The following UBAP2L variants were observed in gnomAD, a reference collection of about 807,000 sequenced individuals.
The protein encoded by UBAP2L is ubiquitin-associated protein 2-like.
Under a neutral mutation model 130.6 loss-of-function variants are expected in UBAP2L, and 12 were observed. The observed-to-expected ratio is 0.09, with a 90% CI of 0.06 to 0.15. The LOEUF is 0.15. UBAP2L is among the 10% of genes least tolerant of loss of function. The pLI, the probability that UBAP2L is intolerant of heterozygous loss-of-function variation, is 1.00. For missense variants in UBAP2L, 965 were observed against 1,332.5 expected, an observed-to-expected ratio of 0.72 and a Z score of 4.29; for synonymous variants, 503 against 524.7, an observed-to-expected ratio of 0.96 and a Z score of 0.57.
intron 26 of UBAP2L, 116 bp downstream of exon 26, chr1:154,269,070 A>ATGACTGGCGCTGGGGAGG: frequency 8.0e-7 from 1 of 1,243,388 alleles, no homozygotes; most frequent in Non-Finnish European, 1.1e-6. Context: ...ATCCCTCCCC[A>ATGACTGGCGCTGGGGAGG]GCGCCAGTCA....
chr1:154,252,744 A>G (rs1678187160), intron 14 of UBAP2L, among the ~76,000 whole-genome samples: 1 of 152,038 alleles, frequency 6.6e-6, no homozygotes, highest in African/African-American at 2.4e-5. Context: ...TTTTTAGTAG[A>G]CATGGGGTTT....
At chr1:154,259,638 C>T in intron 21 of UBAP2L, 2 of 410,178 alleles carry the variant, frequency 4.9e-6, no homozygotes, top group South Asian at 2.6e-5. Flanking sequence ...TCTGTTTTCT[C>T]AGTAGAATAA....
chr1:154,237,638 G>T (rs1672108336), intron 8 of UBAP2L, among the ~76,000 whole-genome samples: 1 of 152,150 alleles, frequency 6.6e-6, no homozygotes, highest in Non-Finnish European at 1.5e-5. Context: ...TTCTGTTACT[G>T]AGATAAGAAT....
chr1:154,233,018 C>CT (rs1339953340), intron 4 of UBAP2L, among the ~76,000 whole-genome samples: 1,578 of 148,470 alleles, frequency 0.011, 28 homozygotes, highest in African/African-American at 0.035. Flanking sequence ...ACCTTTTTTT[C>CT]TTTTTTTTTT....
At chr1:154,220,317 G>A (rs747881686), upstream of UBAP2L, 10 of 1,613,558 alleles carry the variant, frequency 6.2e-6, no homozygotes, top group Admixed American at 1.7e-5. Context: ...GCGACAGCAG[G>A]AATGGGGTGG....
At chr1:154,253,657 C>T (rs1157406879) in intron 14 of UBAP2L, among the ~76,000 whole-genome samples, 1 of 152,180 alleles carries the variant, frequency 6.6e-6, no homozygotes, top group Non-Finnish European at 1.5e-5. Flanking sequence ...CAGGCGTGAG[C>T]CACTGCGCCC....
In UBAP2L at chr1:154,270,759, GTTTTTTTTTTGT is replaced by G. The variant is rs2149130422; in HGVS notation, c.*475_*486del. On this transcript the variant is annotated 3_prime_UTR_variant, in exon 27 of 27. Coordinates refer to ENST00000428931, the MANE Select transcript of UBAP2L (RefSeq NM_014847.4). ...ATTGTCAGATGAATTAGTTGAAGTGGTTTTTTTTTTGTTTTTTTTTTTTTTTTGTACTGTGTC... is the reference window on the plus strand; with the variant it reads ...ATTGTCAGATGAATTAGTTGAAGTGGTTTTTTTTTTTTTTTGTACTGTGTC... 1 of 1,138,608 alleles carries G rather than the reference GTTTTTTTTTTGT, an allele frequency of 8.8e-7. No homozygotes were observed. The highest frequency in any genetic ancestry group is 1.1e-6 in the Non-Finnish European group (1 of 892,290). The allele number at this position is 1,138,608 out of a possible 1,614,324, so 70.5% of individuals were successfully genotyped here. A position where few individuals can be genotyped will look rare whatever the true frequency, so the allele number is the denominator to read the frequency against.
Position 154,257,151 on chromosome 1 carries a change from T to G in UBAP2L, c.2246T>G (p.Val749Gly). ...AGCACAGTCTCTGCACCTCCCCCAG[T>G]GGTCAGTGTCTCCTCCAGTCTCAAT... Reference protein sequence around the residue: ...TSSTVSAPPPVVSVSSSLNSG... With the variant: ...TSSTVSAPPPGVSVSSSLNSG... Residue 749 changes from valine (V) to glycine (G), a missense_variant, in exon 19 of 27, where the codon GTG becomes GGG. Coordinates refer to ENST00000428931, the MANE Select transcript of UBAP2L (RefSeq NM_014847.4). The G allele has an allele frequency of 1.2e-6, 2 of 1,614,132 alleles. No individual in the cohort carries two copies. Among genetic ancestry groups the G allele is most frequent in the Non-Finnish European group, 1.7e-6 (2 of 1,180,030 alleles).
chr1:154,250,999 C>T (rs756450813), intron 12 of UBAP2L, 42 bp from the exon 13 acceptor site: 3 of 1,566,786 alleles, frequency 1.9e-6, no homozygotes, highest in Non-Finnish European at 2.6e-6. Context: ...CCTTGAGATT[C>T]ATTAGCATCT....
chr1:154,249,508 G>C (rs187705330), intron 12 of UBAP2L, 71 bp downstream of exon 12: 2 of 1,589,626 alleles, frequency 1.3e-6, no homozygotes, highest in African/African-American at 1.3e-5. Flanking sequence ...AGCAGGGGGA[G>C]GGGGTGGAGA....
At chr1:154,235,442 T>C in intron 6 of UBAP2L, 151 bp downstream of exon 6, 1 of 564,394 alleles carries the variant, frequency 1.8e-6, no homozygotes. Context: ...AGCCTCAGAC[T>C]CCTGGGCTCA....
At chr1:154,249,852 G>A (rs1343173595) in intron 12 of UBAP2L, among the ~76,000 whole-genome samples, 4 of 141,292 alleles carry the variant, frequency 2.8e-5, no homozygotes, top group African/African-American at 1.1e-4. Flanking sequence ...CTAGTGTGAA[G>A]CTAGCTTTCC....
chr1:154,258,833 A>T, intron 20 of UBAP2L, 144 bp from the exon 21 acceptor site: 1 of 640,538 alleles, frequency 1.6e-6, no homozygotes, highest in Non-Finnish European at 2.7e-6. Context: ...CTTTTTCCTT[A>T]AATAAAATTG....
Position 154,270,591 on chromosome 1 carries a change from G to A in UBAP2L, c.*296G>A. The A allele has an allele frequency of 2.1e-6, 3 of 1,412,162 alleles. No individual in the cohort carries two copies. The highest frequency in any genetic ancestry group is 2.8e-6 in the Non-Finnish European group (3 of 1,087,654). 87.5% of individuals were successfully genotyped at this position (1,412,162 alleles called of 1,614,324 possible). The stretch of plus-strand genomic sequence containing the variant: ...CCCTGCACTTCCTTTGCTTCCTCCT[G>A]TTCACCCTGGTGGTGTACGGATGAG... On this transcript the variant is annotated 3_prime_UTR_variant, in exon 27 of 27. Coordinates refer to ENST00000428931, the MANE Select transcript of UBAP2L (RefSeq NM_014847.4).
rs756523694 is a variant in UBAP2L, at chr1:154,246,300, T to C, written c.939T>C (p.Pro313=). 33 of 1,613,736 alleles carry C rather than the reference T, an allele frequency of 2.0e-5. No homozygotes were observed. In the Admixed American group the frequency reaches 5.2e-4, roughly 25 times the overall value. ...DPSQAPSLAQ[P]LVFSNSKQTA... ...CTCAGGCTCCTTCTCTGGCCCAGCCTCTGGTGTTCAGTAATTCGAAGCAGA... is the reference window on the plus strand; with the variant it reads ...CTCAGGCTCCTTCTCTGGCCCAGCCCCTGGTGTTCAGTAATTCGAAGCAGA... Residue 313 remains proline, a synonymous_variant, in exon 11 of 27, where the codon CCT becomes CCC. Coordinates refer to ENST00000428931, the MANE Select transcript of UBAP2L (RefSeq NM_014847.4).
chr1:154,245,676 G>A (rs1387410248), intron 10 of UBAP2L, among the ~76,000 whole-genome samples: 4 of 152,118 alleles, frequency 2.6e-5, no homozygotes, highest in African/African-American at 9.7e-5. Context: ...AGCACTTTGG[G>A]AGGCCAAGGC....
At chr1:154,271,154 G>A (rs1684661846), downstream of UBAP2L, 2 of 548,874 alleles carry the variant, frequency 3.6e-6, no homozygotes, top group Non-Finnish European at 6.4e-6. Flanking sequence ...AGGCAGTAAA[G>A]GGAGAGGGAT....
At chr1:154,228,752 A>G (rs1668807226) in intron 4 of UBAP2L, 27 bp downstream of exon 4, 2 of 1,549,214 alleles carry the variant, frequency 1.3e-6, no homozygotes, top group Non-Finnish European at 1.8e-6. Context: ...GTGTTCTAGG[A>G]CATGGGTCCT....
intron 19 of UBAP2L, 35 bp from the exon 20 acceptor site, chr1:154,257,311 T>C: frequency 6.2e-7 from 1 of 1,614,112 alleles, no homozygotes; most frequent in South Asian, 1.1e-5. Context: ...GGTAAGTAAT[T>C]GTGTGATGGG....
Sources: gnomAD v4.1 joint callset for allele counts (sites outside exome capture counted in the v4.1 genomes callset) on GRCh38, gnomAD v4.1.1 for gene constraint, MANE v1.5 for transcripts, NCBI Gene and HGNC (gene_info 2026-07-23, HGNC 2026-07-21) for gene names.